The following TATDN1 variants were observed in gnomAD, a reference collection of about 807,000 sequenced individuals.
TATDN1 encodes the protein deoxyribonuclease TATDN1.
In TATDN1, 40 loss-of-function variants were observed where a neutral mutation model predicts 46.4. The ratio of observed to expected loss-of-function variants is 0.86; its 90% confidence interval spans 0.67 to 1.12. The LOEUF is 1.12. Among genes scored for constraint, TATDN1 ranks in the 50% most tolerant of loss-of-function variants. TATDN1 has a pLI of 0.00. For missense variants in TATDN1, 326 were observed against 348.4 expected (o/e 0.94, Z 0.51); for synonymous variants, 95 against 105.6 (o/e 0.90, Z 0.62).
chr8:124,533,254 A>AG (rs1028019133), intron 1 of TATDN1, among the ~76,000 whole-genome samples: 37 of 151,982 alleles, frequency 2.4e-4, no homozygotes, highest in African/African-American at 8.4e-4. Context: ...TCTGTCTCAA[A>AG]AAAAAAAAAC....
intron 9 of TATDN1, among the ~76,000 whole-genome samples, chr8:124,502,547 C>A (rs1286728528): frequency 6.6e-6 from 1 of 152,074 alleles, no homozygotes; most frequent in Admixed American, 6.6e-5. Context: ...ACTTAATTCC[C>A]ATGAAAACAT....
intron 3 of TATDN1, among the ~76,000 whole-genome samples, chr8:124,520,942 C>CAAAAAAAAAAAA (rs1162309758): frequency 1.2e-5 from 1 of 82,246 alleles, no homozygotes. Flanking sequence ...GACTCCGTCT[C>CAAAAAAAAAAAA]AAAAAAAAAA....
chr8:124,539,062 A>G lies in TATDN1; in HGVS notation c.-16T>C, dbSNP rs1244178210. ...AGCGACTCATGACTGCGCATGGAGG[A>G]CCTCCCCAGCGGAAGCGGAAGTGGC... On this transcript the variant is annotated 5_prime_UTR_variant, in exon 1 of 12. Coordinates refer to ENST00000276692, the MANE Select transcript of TATDN1 (RefSeq NM_032026.4). 6 of 1,612,300 alleles carry G rather than the reference A, an allele frequency of 3.7e-6. No homozygotes were observed. The highest frequency in any genetic ancestry group is 1.1e-5 in the South Asian group (1 of 91,064).
chr8:124,533,807 C>T (rs2131575300), intron 1 of TATDN1, among the ~76,000 whole-genome samples: 1 of 152,014 alleles, frequency 6.6e-6, no homozygotes, highest in East Asian at 1.9e-4. Context: ...TTTTATTTCA[C>T]AGGCACAACC....
intron 1 of TATDN1, among the ~76,000 whole-genome samples, chr8:124,525,439 G>A (rs1327486736): frequency 6.6e-6 from 1 of 152,006 alleles, no homozygotes; most frequent in Non-Finnish European, 1.5e-5. Flanking sequence ...GAGGCACCAC[G>A]CCCAGCCAGT....
At chr8:124,510,408 A>AT (rs1427692358) in intron 6 of TATDN1, among the ~76,000 whole-genome samples, 2 of 152,154 alleles carry the variant, frequency 1.3e-5, no homozygotes, top group South Asian at 2.1e-4. Flanking sequence ...TGTACTGGTT[A>AT]TTTTTTCCAC....
At chr8:124,500,804 T>A (rs912997424) in intron 9 of TATDN1, among the ~76,000 whole-genome samples, 17 of 151,576 alleles carry the variant, frequency 1.1e-4, no homozygotes, top group South Asian at 2.1e-4. Context: ...AGGATTTTTT[T>A]AAATGAAACT....
At chr8:124,488,890 C>CT (rs1816652810) in intron 11 of TATDN1, 194 bp from the exon 12 acceptor site, 1 of 532,908 alleles carries the variant, frequency 1.9e-6, no homozygotes, top group African/African-American at 2.0e-5. Context: ...TATGGACTGT[C>CT]TTGCATATAA....
intron 9 of TATDN1, among the ~76,000 whole-genome samples, chr8:124,496,584 A>G (rs1481621255): frequency 1.3e-5 from 2 of 152,214 alleles, no homozygotes; most frequent in Non-Finnish European, 2.9e-5. Flanking sequence ...CACAGTATGT[A>G]GTCTTTTTCA....
chr8:124,488,498 T>G lies in TATDN1; in HGVS notation c.*96A>C. ...GGTGTGTACCGATATATAGTATTTC[T>G]TTAGACAACTTGCAGATAATTTCTT... is the stretch of plus-strand genomic sequence containing the variant. On this transcript the variant is annotated 3_prime_UTR_variant, in exon 12 of 12. Transcript: ENST00000276692. 1.5e-6 allele frequency: 1 copy of G among 660,766 alleles called. No homozygotes were observed. The highest frequency in any genetic ancestry group is 2.8e-5 in the East Asian group (1 of 35,820). The allele number at this position is 660,766 out of a possible 1,614,324, so 40.9% of individuals were successfully genotyped here. A position where few individuals can be genotyped will look rare whatever the true frequency, so the allele number is the denominator to read the frequency against.
intron 6 of TATDN1, among the ~76,000 whole-genome samples, chr8:124,509,215 TAAGA>T (rs1276447425): frequency 6.6e-6 from 1 of 152,210 alleles, no homozygotes; most frequent in East Asian, 1.9e-4. Flanking sequence ...GAGTACTTGA[TAAGA>T]AGGTTTTTCC....
At chr8:124,537,774 C>T (rs1182316869) in intron 1 of TATDN1, among the ~76,000 whole-genome samples, 19 of 152,062 alleles carry the variant, frequency 1.2e-4, no homozygotes, top group Admixed American at 1.2e-3. Flanking sequence ...ACAACCCCTC[C>T]CCAAACCCCT....
At chr8:124,522,234 G>T (rs775510499) in intron 2 of TATDN1, 34 bp from the exon 3 acceptor site, 3 of 1,453,940 alleles carry the variant, frequency 2.1e-6, no homozygotes, top group South Asian at 1.3e-5. Flanking sequence ...ATGAAAACCT[G>T]GCAGACAAAA....
chr8:124,519,217 G>C (rs773982635), intron 3 of TATDN1, among the ~76,000 whole-genome samples: 1 of 152,194 alleles, frequency 6.6e-6, no homozygotes, highest in Non-Finnish European at 1.5e-5. Context: ...CGAAATCAAT[G>C]ATTCAATAGT....
intron 4 of TATDN1, among the ~76,000 whole-genome samples, chr8:124,517,483 T>G (rs1819588779): frequency 6.6e-6 from 1 of 151,996 alleles, no homozygotes; most frequent in Non-Finnish European, 1.5e-5. Context: ...GTGTGGATTT[T>G]AGAGAGATTT....
At chr8:124,517,425 C>CAAAAAAAAA (rs540696612) in intron 4 of TATDN1, among the ~76,000 whole-genome samples, 1 of 67,190 alleles carries the variant, frequency 1.5e-5, no homozygotes, top group Non-Finnish European at 2.9e-5. Flanking sequence ...AAGACTGTCT[C>CAAAAAAAAA]AAAAAAAAAA....
intron 9 of TATDN1, chr8:124,504,057 C>T (rs1239959831): frequency 2.4e-6 from 2 of 831,830 alleles, no homozygotes; most frequent in Admixed American, 2.5e-5. Context: ...ATTATTAGAA[C>T]ATAATGTAGT....
intron 11 of TATDN1, among the ~76,000 whole-genome samples, chr8:124,492,860 G>C (rs1817142149): frequency 6.6e-6 from 1 of 151,976 alleles, no homozygotes. Context: ...TAGAGACAGG[G>C]GTCTCCCTAT....
chr8:124,519,556 TTTC>T (rs1304848412), intron 3 of TATDN1, among the ~76,000 whole-genome samples: 5 of 152,240 alleles, frequency 3.3e-5, no homozygotes, highest in African/African-American at 1.2e-4. Flanking sequence ...TATCCAGTAG[TTTC>T]TTATTTTAAA....
Sources: gnomAD v4.1 joint callset for allele counts (sites outside exome capture counted in the v4.1 genomes callset) on GRCh38, gnomAD v4.1.1 for gene constraint, MANE v1.5 for transcripts, NCBI Gene and HGNC (gene_info 2026-07-23, HGNC 2026-07-21) for gene names.